KIAA2013: variants seen among roughly 807,000 people sequenced by gnomAD.
KIAA2013 encodes the protein uncharacterized protein KIAA2013.
In KIAA2013, 20 loss-of-function variants were observed where a neutral mutation model predicts 39.9. The ratio of observed to expected loss-of-function variants is 0.50; its 90% CI spans 0.35 to 0.73. The LOEUF (loss-of-function observed/expected upper bound fraction) is 0.73, where lower values mean the gene tolerates loss of function less well. Among genes scored for constraint, KIAA2013 ranks in the 30% least tolerant of loss-of-function variants. The pLI, the probability that KIAA2013 is intolerant of heterozygous loss-of-function variation, is 0.01. For synonymous variants in KIAA2013, 336 were observed against 416.6 expected (o/e 0.81, Z 2.35); for missense variants, 587 against 856.1 (o/e 0.69, Z 3.92).
At position 11,926,075 on chromosome 1, in the gene KIAA2013, C is replaced by A. The variant is rs755769766; in HGVS notation, c.163G>T (p.Gly55Cys). The A allele has an allele frequency of 2.0e-4, 299 of 1,461,360 alleles. 1 individual carries two copies. The highest frequency in any genetic ancestry group is 2.6e-4 in the Non-Finnish European group (287 of 1,114,856). The allele number at this position is 1,461,360 out of a possible 1,614,324, so 90.5% of individuals were successfully genotyped here. A position where few individuals can be genotyped will look rare whatever the true frequency, so the allele number is the denominator to read the frequency against. Residue 55 changes from glycine to cysteine, a missense_variant, in exon 1 of 3, where the codon GGT becomes TGT. By Grantham distance (159) the Gly-to-Cys change is radical. Coordinates refer to ENST00000376572, the MANE Select transcript of KIAA2013 (RefSeq NM_138346.3). ...GGLHLLPWSR[G>C]EPGAAEPSAC... ...GACGGCTCGGCGGCGCCCGGCTCAC[C>A]GCGGGACCAGGGCAGCAGGTGCAGG...
At chr1:11,920,966 G>A (rs1250307740) in intron 2 of KIAA2013, among the ~76,000 whole-genome samples, 1 of 152,100 alleles carries the variant, frequency 6.6e-6, no homozygotes, top group East Asian at 1.9e-4. Context: ...TGACTACTTG[G>A]GGGCACAGAC....
Position 11,923,509 on chromosome 1 carries a change from G to A in KIAA2013, c.1034-20C>T, listed in dbSNP as rs759556725. ...CCACTCCTGCAACACCATGAAAGCG[G>A]CATGTTAAGGGGGAAGGACAGCTGG... On this transcript the variant is annotated intron_variant, in intron 1 of 2. Transcript: ENST00000376572. The surrounding 1 kb of genome is among the most constrained non-coding windows in gnomAD (Gnocchi z 4.6). 6.2e-7 allele frequency: 1 copy of A among 1,600,632 alleles called. No homozygotes were observed. The highest frequency in any genetic ancestry group is 8.5e-7 in the Non-Finnish European group (1 of 1,179,594).
chr1:11,923,185 A>T lies in KIAA2013; in HGVS notation c.1338T>A (p.Gly446=), dbSNP rs776544974. Residue 446 remains glycine (G), a synonymous_variant, in exon 2 of 3, where the codon GGT becomes GGA. Coordinates refer to ENST00000376572, the MANE Select transcript of KIAA2013 (RefSeq NM_138346.3). This position sits in a 1 kb window ranked among gnomAD's most constrained non-coding sequence, Gnocchi z 4.6. ...KRGCKGLVKV[G]APGILQGMVL... is the part of the protein sequence containing the mutation. ...CCATCCCCTGCAGGATGCCTGGGGC[A>T]CCCACCTTCACCAGCCCCTTGCAGC... 2 of 1,613,352 alleles carry T rather than the reference A, an allele frequency of 1.2e-6. No homozygotes were observed.
rs1645467410 is a variant in KIAA2013 at position 11,920,388 on chromosome 1, G to A, written c.1888-56C>T. On this transcript the variant is annotated intron_variant, in intron 2 of 2. Transcript: ENST00000376572. Reference sequence around the variant, plus strand: ...TGTTCACTGCCAACCCCAGTGGCCAGCTATAGAAATAGGCTACGGAGACAA... The same window carrying A: ...TGTTCACTGCCAACCCCAGTGGCCAACTATAGAAATAGGCTACGGAGACAA... The A allele has an allele frequency of 8.2e-6, 13 of 1,590,100 alleles. 1 individual carries two copies. The South Asian group carries it at 1.4e-4, about 18-fold the overall frequency.
At chr1:11,922,294 ATT>A (rs1645479221) in intron 2 of KIAA2013, 1 of 1,306,336 alleles carries the variant, frequency 7.7e-7, no homozygotes, top group East Asian at 2.7e-5. Context: ...GGCTCAAGGG[ATT>A]CTCCCATCTC....
In KIAA2013 at chr1:11,926,161, A is replaced by G; in HGVS notation, c.77T>C (p.Leu26Pro). The change falls in exon 1 of 3, where the codon CTT (leucine) becomes CCT (proline). Residue 26 changes from leucine to proline, a missense_variant. Transcript: ENST00000376572. ...SSWARRLLCL[L>P]GLLLLLLWFG... ...CCACAGAAGCAGCAGCAGGAGGCCA[A>G]GCAGGCAGAGGAGGCGGCGGGCCCA... 7.1e-7 allele frequency: 1 copy of G among 1,399,816 alleles called. No homozygotes were observed. The highest frequency in any genetic ancestry group is 9.3e-7 in the Non-Finnish European group (1 of 1,070,332). The allele number at this position is 1,399,816 out of a possible 1,614,324, so 86.7% of individuals were successfully genotyped here.
rs1645465419 is a variant in KIAA2013 at position 11,919,995 on chromosome 1, T to C, written c.*320A>G. On this transcript the variant is annotated 3_prime_UTR_variant, in exon 3 of 3. Transcript: ENST00000376572. ...CAACTTTTCCTAGACAAGAGTCTTT[T>C]CAAAAGATGATCTATTTCCTGGGAC... 2.3e-6 allele frequency: 1 copy of C among 430,382 alleles called. No homozygotes were observed. Among genetic ancestry groups the C allele is most frequent in the Non-Finnish European group, 4.2e-6 (1 of 240,326 alleles). The allele number at this position is 430,382 out of a possible 1,614,324, so 26.7% of individuals were successfully genotyped here. A position where few individuals can be genotyped will look rare whatever the true frequency, so the allele number is the denominator to read the frequency against.
rs1645463450 is a variant in KIAA2013, at chr1:11,919,625, CA to C, written c.*689del. ...GAAAGATATTTATTTAAAAACAGAA[CA>C]AAAAAGCTTTGGTATTTCAAAACCT... On this transcript the variant is annotated 3_prime_UTR_variant, in exon 3 of 3. Transcript: ENST00000376572. The C allele has an allele frequency of 6.6e-6, 1 of 152,138 alleles. No individual in the cohort carries two copies. Among genetic ancestry groups the C allele is most frequent in the African/African-American group, 2.4e-5 (1 of 41,388 alleles). 9.4% of individuals were successfully genotyped at this position (152,138 alleles called of 1,614,324 possible).
In KIAA2013 at chr1:11,923,269, G is replaced by C. The variant is rs560671067; in HGVS notation, c.1254C>G (p.Ser418=). 8.1e-6 allele frequency: 13 copies of C among 1,613,478 alleles called. No individual in the cohort carries two copies. The highest frequency in any genetic ancestry group is 1.1e-5 in the Non-Finnish European group (13 of 1,179,648). The stretch of plus-strand genomic sequence containing the variant: ...AGAGCTGCAGGATCTGCTGGACGGA[G>C]GACAGCCGCCCCGGCCACAGGTTCT... ...HAENLWPGRL[S]SVQQILQLSD... is the part of the protein sequence containing the mutation. Residue 418 remains serine, a synonymous_variant, in exon 2 of 3, where the codon TCC becomes TCG. Transcript: ENST00000376572. This position sits in a 1 kb window ranked among gnomAD's most constrained non-coding sequence, Gnocchi z 4.6.
At position 11,925,175 on chromosome 1, in the gene KIAA2013, A is replaced by G. The variant is rs1645498134; in HGVS notation, c.1033+30T>C. The stretch of plus-strand genomic sequence containing the variant: ...CTGCAGACTTGGGAGGGACATATCT[A>G]GGGTGGACCAAGCGCTGGCCAGGAC... On this transcript the variant is annotated intron_variant, in intron 1 of 2. Coordinates refer to ENST00000376572, the MANE Select transcript of KIAA2013 (RefSeq NM_138346.3). This position sits in a 1 kb window ranked among gnomAD's most constrained non-coding sequence, Gnocchi z 5.2. 6.5e-7 allele frequency: 1 copy of G among 1,536,796 alleles called. No homozygotes were observed. Among genetic ancestry groups the G allele is most frequent in the African/African-American group, 1.4e-5 (1 of 72,534 alleles).
In KIAA2013 at chr1:11,925,234, T is replaced by C. The variant is rs1350695331; in HGVS notation, c.1004A>G (p.Gln335Arg). The C allele has an allele frequency of 1.9e-6, 3 of 1,599,596 alleles. No individual in the cohort carries two copies. Among genetic ancestry groups the C allele is most frequent in the South Asian group, 2.2e-5 (2 of 88,998 alleles). ...MPAAELLQDHQLLWAQLFSPG... is the reference protein window; with the variant it reads ...MPAAELLQDHRLLWAQLFSPG... ...GCTGAAGAGCTGAGCCCAGAGGAGCTGGTGGTCTTGAAGCAGCTCCGCCGC... is the reference window on the plus strand; with the variant it reads ...GCTGAAGAGCTGAGCCCAGAGGAGCCGGTGGTCTTGAAGCAGCTCCGCCGC... Residue 335 changes from glutamine (Q) to arginine (R), a missense_variant, in exon 1 of 3, where the codon CAG becomes CGG. Coordinates refer to ENST00000376572, the MANE Select transcript of KIAA2013 (RefSeq NM_138346.3). The surrounding 1 kb of genome is among the most constrained non-coding windows in gnomAD (Gnocchi z 5.2).
intron 2 of KIAA2013, among the ~76,000 whole-genome samples, chr1:11,921,478 C>T (rs1196325416): frequency 6.6e-6 from 1 of 152,152 alleles, no homozygotes; most frequent in Admixed American, 6.5e-5. Context: ...GCCAGCAGTT[C>T]AGACAGAGGC....
intron 2 of KIAA2013, chr1:11,922,123 T>G (rs972198381): frequency 5.9e-6 from 1 of 168,654 alleles, no homozygotes; most frequent in Non-Finnish European, 1.2e-5. Flanking sequence ...GTTGAGATTA[T>G]AGGCATGAGC....
In KIAA2013 at chr1:11,923,560, C is replaced by T; in HGVS notation, c.1034-71G>A. 6.7e-7 allele frequency: 1 copy of T among 1,495,822 alleles called. No homozygotes were observed. The highest frequency in any genetic ancestry group is 1.2e-5 in the South Asian group (1 of 84,080). 92.7% of individuals were successfully genotyped at this position (1,495,822 alleles called of 1,614,324 possible). On this transcript the variant is annotated intron_variant, in intron 1 of 2. Transcript: ENST00000376572. The surrounding 1 kb of genome is among the most constrained non-coding windows in gnomAD (Gnocchi z 4.6). ...GAGGCAGAGCATACGAAATAAAGAC[C>T]AAGGGCAGCAGAAGAGTGAGGTGTT...
At position 11,923,746 on chromosome 1, in the gene KIAA2013, AG is replaced by A. The variant is rs150464084; in HGVS notation, c.1034-258del. Among the ~76,000 whole-genome samples, 1,168 of 152,334 alleles carry A rather than the reference AG, an allele frequency of 7.7e-3. 10 individuals carry two copies. The highest frequency in any genetic ancestry group is 0.012 in the Non-Finnish European group (798 of 68,032). ...CCAGAGCCCAGAGGAACACAGACTT[AG>A]CCAGGACTTGGCACCAACCCTATGG... On this transcript the variant is annotated intron_variant, in intron 1 of 2. Coordinates refer to ENST00000376572, the MANE Select transcript of KIAA2013 (RefSeq NM_138346.3). This position sits in a 1 kb window ranked among gnomAD's most constrained non-coding sequence, Gnocchi z 4.6.
At chr1:11,922,438 C>T in intron 2 of KIAA2013, 198 bp downstream of exon 2, 2 of 1,460,400 alleles carry the variant, frequency 1.4e-6, no homozygotes, top group Admixed American at 2.6e-5. Flanking sequence ...TCAATTCACA[C>T]CTGGATTTCC....
Position 11,923,050 on chromosome 1 carries a change from G to T in KIAA2013, c.1473C>A (p.Asp491Glu). 6.2e-7 allele frequency: 1 copy of T among 1,611,352 alleles called. No homozygotes were observed. Among genetic ancestry groups the T allele is most frequent in the South Asian group, 1.1e-5 (1 of 91,038 alleles). ...CCGCCAGCACGGCCAGGTTGATATG[G>T]TCGTTCTTGTAGCGGATGCCATGCA... ...YALHGIRYKN[D>E]HINLAVLADA... The change falls in exon 2 of 3, where the codon GAC becomes GAA. Residue 491 changes from aspartate (D) to glutamate (E), a missense_variant. By Grantham distance (45) the Asp-to-Glu change is conservative. Coordinates refer to ENST00000376572, the MANE Select transcript of KIAA2013 (RefSeq NM_138346.3). The surrounding 1 kb of genome is among the most constrained non-coding windows in gnomAD (Gnocchi z 4.6).
intron 2 of KIAA2013, among the ~76,000 whole-genome samples, chr1:11,921,579 T>G (rs1023451728): frequency 2.0e-5 from 3 of 151,998 alleles, no homozygotes; most frequent in African/African-American, 7.2e-5. Context: ...AGACAGAGTC[T>G]CACTCTGTCA....
rs1456222821 is a variant in KIAA2013 at position 11,922,859 on chromosome 1, AGCAGTG to A, written c.1658_1663del (p.Pro553_Leu554del). On this transcript the variant is annotated inframe_deletion, in exon 2 of 3. Transcript: ENST00000376572. ...GTGTGTGAGGTCGGTGGAGATGTAG[AGCAGTG>A]GCGTGATGGGCTGTGTCACCATGAC... The A allele has an allele frequency of 6.2e-7, 1 of 1,612,514 alleles. No individual in the cohort carries two copies.
Sources: allele counts gnomAD v4.1 joint callset (sites outside exome capture counted in the v4.1 genomes callset), GRCh38; gene constraint gnomAD v4.1.1; non-coding constraint Gnocchi (gnomAD v3.1); transcripts MANE v1.5; gene names NCBI Gene and HGNC (gene_info 2026-07-23, HGNC 2026-07-21).